CPS1: variants seen among roughly 807,000 people sequenced by gnomAD.
The protein encoded by CPS1 is carbamoyl-phosphate synthase [ammonia], mitochondrial.
Under a neutral mutation model 174.6 loss-of-function variants are expected in CPS1, and 109 were observed. That is an observed-to-expected ratio of 0.62 (90% confidence interval 0.53 to 0.73). The LOEUF (loss-of-function observed/expected upper bound fraction) is 0.73, where lower values mean the gene tolerates loss of function less well. Ranked by LOEUF, CPS1 falls within the 30% of genes least tolerant of loss-of-function variation. CPS1 has a pLI of 0.00. For missense variants in CPS1, 1,689 were observed against 1,821.9 expected (o/e 0.93, Z 1.33); for synonymous variants, 637 against 632.0 (o/e 1.01, Z -0.12).
chr2:210,633,360 C>T (rs1282738639), intron 21 of CPS1, among the ~76,000 whole-genome samples: 1 of 151,892 alleles, frequency 6.6e-6, no homozygotes, highest in Non-Finnish European at 1.5e-5. Context: ...TTTCTTTTCT[C>T]TCTTCTTTCT....
At position 210,574,640 on chromosome 2, in the gene CPS1, A is replaced by G. The variant is rs1697625411; in HGVS notation, c.236+1233A>G. Among the ~76,000 whole-genome samples the G allele has an allele frequency of 2.6e-5, 4 of 152,220 alleles. No homozygotes were observed. In the South Asian group the frequency reaches 8.3e-4, roughly 32 times the overall value. On this transcript the variant is annotated intron_variant, in intron 2 of 37. Transcript: ENST00000233072. Reference sequence around the variant, plus strand: ...AAACAACTGTTTAATATAGATCAGCATGATGGAGGGCACTAGAGTTTTCTT... The same window carrying G: ...AAACAACTGTTTAATATAGATCAGCGTGATGGAGGGCACTAGAGTTTTCTT...
intron 21 of CPS1, among the ~76,000 whole-genome samples, chr2:210,623,426 G>GT (rs59083580): frequency 0.029 from 4,384 of 149,718 alleles, 184 homozygotes; most frequent in African/African-American, 0.097. Flanking sequence ...GTTTCATGTG[G>GT]TTTTTTTTTG....
intron 21 of CPS1, among the ~76,000 whole-genome samples, chr2:210,634,466 T>C (rs1699974603): frequency 6.6e-6 from 1 of 152,066 alleles, no homozygotes; most frequent in Non-Finnish European, 1.5e-5. Context: ...CTTTCAAAAT[T>C]AATTTCTCTC....
intron 34 of CPS1, among the ~76,000 whole-genome samples, chr2:210,671,059 A>G (rs377521789): frequency 1.3e-5 from 2 of 152,148 alleles, no homozygotes; most frequent in South Asian, 2.1e-4. Flanking sequence ...CTTTCATCGC[A>G]TTAGGATTTA....
At chr2:210,608,847 AT>A (rs1264144192) in intron 19 of CPS1, among the ~76,000 whole-genome samples, 3 of 151,974 alleles carry the variant, frequency 2.0e-5, no homozygotes, top group Admixed American at 1.3e-4. Context: ...AGATACACAT[AT>A]GAAAACACAT....
intron 30 of CPS1, chr2:210,658,199 T>G (rs10182484): frequency 5.4e-4 from 146 of 272,530 alleles, no homozygotes; most frequent in African/African-American, 3.1e-3. Flanking sequence ...TGCAGTACCA[T>G]GTAATTTCAG....
chr2:210,513,318 T>G (rs868782624), intron 1 of CPS1, among the ~76,000 whole-genome samples: 7 of 151,774 alleles, frequency 4.6e-5, no homozygotes, highest in African/African-American at 1.7e-4. Context: ...CATTCCCTTT[T>G]CTCCACAGCC....
At chr2:210,621,217 A>G (rs1699516134) in intron 21 of CPS1, among the ~76,000 whole-genome samples, 1 of 152,046 alleles carries the variant, frequency 6.6e-6, no homozygotes, top group South Asian at 2.1e-4. Context: ...GTGATAACAT[A>G]TTTACAGTGG....
At chr2:210,540,553 T>C (rs1195772629) in intron 1 of CPS1, among the ~76,000 whole-genome samples, 4 of 152,210 alleles carry the variant, frequency 2.6e-5, no homozygotes, top group African/African-American at 7.2e-5. Flanking sequence ...ATTTATACTC[T>C]TGCTATGAGT....
chr2:210,502,371 A>C (rs13396296), intron 1 of CPS1, among the ~76,000 whole-genome samples: 55,986 of 143,940 alleles, frequency 0.39, 11,238 homozygotes, highest in East Asian at 0.46. Context: ...CTCTCTCTAT[A>C]TATATATATT....
At chr2:210,646,761 G>A (rs150062239) in intron 25 of CPS1, among the ~76,000 whole-genome samples, 186 of 152,178 alleles carry the variant, frequency 1.2e-3, no homozygotes, top group Non-Finnish European at 2.0e-3. Context: ...AACGTTGGGG[G>A]AAAGTTCAGT....
intron 6 of CPS1, among the ~76,000 whole-genome samples, chr2:210,587,521 A>G (rs917889488): frequency 6.6e-6 from 1 of 151,994 alleles, no homozygotes; most frequent in Non-Finnish European, 1.5e-5. Context: ...CGGCAACCTA[A>G]AGGGACTGGT....
chr2:210,673,585 T>C (rs1056263376), intron 34 of CPS1: 5 of 152,134 alleles, frequency 3.3e-5, no homozygotes, highest in Admixed American at 3.3e-4. Flanking sequence ...GGGTTGTAAG[T>C]GTAATCGTGG....
At chr2:210,564,693 A>G (rs1697240943) in intron 1 of CPS1, among the ~76,000 whole-genome samples, 1 of 151,986 alleles carries the variant, frequency 6.6e-6, no homozygotes, top group South Asian at 2.1e-4. Flanking sequence ...CTCATTTTAA[A>G]AGTAATATAG....
chr2:210,608,480 C>T lies in CPS1; in HGVS notation c.2312C>T (p.Thr771Ile). The T allele has an allele frequency of 6.2e-7, 1 of 1,612,494 alleles. No individual in the cohort carries two copies. Among genetic ancestry groups the T allele is most frequent in the Non-Finnish European group, 8.5e-7 (1 of 1,178,970 alleles). Residue 771 changes from threonine to isoleucine, a missense_variant, in exon 19 of 38, where the codon ACC becomes ATC. Thr to Ile is a moderately conservative substitution (Grantham distance 89, BLOSUM62 -1). Transcript: ENST00000233072. ...GAACCTAGCCTGGATTACATGGTCA[C>T]CAAGATTCCCCGCTGGGATCTTGAC... ...CFEPSLDYMVTKIPRWDLDRF... is the reference protein window; with the variant it reads ...CFEPSLDYMVIKIPRWDLDRF...
intron 34 of CPS1, among the ~76,000 whole-genome samples, chr2:210,671,269 A>G (rs1327652012): frequency 6.6e-6 from 1 of 152,182 alleles, no homozygotes; most frequent in Non-Finnish European, 1.5e-5. Flanking sequence ...ACACAAAGCA[A>G]GCATTTTATT....
At chr2:210,657,967 ACC>A (rs1426311477) in intron 30 of CPS1, among the ~76,000 whole-genome samples, 1 of 152,176 alleles carries the variant, frequency 6.6e-6, no homozygotes, top group Non-Finnish European at 1.5e-5. Flanking sequence ...ACATTGCTGA[ACC>A]ACTCTTGTGA....
At chr2:210,502,053 C>T (rs746706635) in intron 1 of CPS1, among the ~76,000 whole-genome samples, 3 of 151,934 alleles carry the variant, frequency 2.0e-5, no homozygotes, top group African/African-American at 2.4e-5. Context: ...AAATGAGTGC[C>T]GAGAAGTGGG....
intron 4 of CPS1, among the ~76,000 whole-genome samples, chr2:210,578,058 G>T (rs1485113606): frequency 2.6e-5 from 4 of 151,954 alleles, no homozygotes; most frequent in Non-Finnish European, 4.4e-5. Context: ...TATTAATAAT[G>T]TAAGAAAAGG....
Sources: gnomAD v4.1 joint callset for allele counts (sites outside exome capture counted in the v4.1 genomes callset) on GRCh38, gnomAD v4.1.1 for gene constraint, MANE v1.5 for transcripts, NCBI Gene and HGNC (gene_info 2026-07-23, HGNC 2026-07-21) for gene names.